Variants in AMOTL1 observed in about 807,000 individuals in gnomAD.
AMOTL1 encodes angiomotin like 1, also known as angiomotin-like protein 1.
AMOTL1 carries 45 observed loss-of-function variants against 102.9 expected under a neutral mutation model. That is an observed-to-expected ratio of 0.44 (90% CI 0.34 to 0.56). AMOTL1 has a LOEUF of 0.56. Among genes scored for constraint, AMOTL1 ranks in the 20% least tolerant of loss-of-function variants. The pLI, the probability that AMOTL1 is intolerant of heterozygous loss-of-function variation, is 0.01. For synonymous variants in AMOTL1, 481 were observed against 484.7 expected, an observed-to-expected ratio of 0.99 and a Z score of 0.10; for missense variants, 1,114 against 1,225.6, an observed-to-expected ratio of 0.91 and a Z score of 1.36.
At chr11:94,805,622 T>G (rs923464072) in intron 3 of AMOTL1, among the ~76,000 whole-genome samples, 2 of 152,232 alleles carry the variant, frequency 1.3e-5, no homozygotes, top group Admixed American at 1.3e-4. Context: ...ATTGCCTTTT[T>G]GGCCTTTATC....
chr11:94,834,581 G>C (rs995806643), intron 6 of AMOTL1, among the ~76,000 whole-genome samples: 6 of 152,040 alleles, frequency 3.9e-5, no homozygotes, highest in Admixed American at 2.6e-4. Context: ...GACAGAGCGA[G>C]ACTCCGTCTC....
chr11:94,773,319 CTG>C (rs1950980454), intron 1 of AMOTL1, among the ~76,000 whole-genome samples: 1 of 152,154 alleles, frequency 6.6e-6, no homozygotes, highest in Admixed American at 6.5e-5. Context: ...ACATTTTCTG[CTG>C]TGTTTTCTTC....
intron 1 of AMOTL1, among the ~76,000 whole-genome samples, chr11:94,723,906 G>A (rs1950214165): frequency 6.6e-6 from 1 of 152,134 alleles, no homozygotes; most frequent in Middle Eastern, 3.2e-3. Flanking sequence ...TTTGGAGCTA[G>A]AAGGAAAATA....
At chr11:94,789,847 A>G (rs1951253076) in intron 1 of AMOTL1, among the ~76,000 whole-genome samples, 2 of 152,184 alleles carry the variant, frequency 1.3e-5, no homozygotes, top group Admixed American at 6.5e-5. Flanking sequence ...TCTCTGTTAT[A>G]AAGTTATAGG....
chr11:94,742,308 C>T (rs909274105), intron 3 of AMOTL1, among the ~76,000 whole-genome samples: 2 of 152,230 alleles, frequency 1.3e-5, no homozygotes, highest in African/African-American at 2.4e-5. Flanking sequence ...ATCTGCTCCA[C>T]GCATGTATAA....
Position 94,800,328 on chromosome 11 carries a change from G to C in AMOTL1, c.1121+17G>C, listed in dbSNP as rs1447544858. On this transcript the variant is annotated intron_variant, in intron 3 of 12. Transcript: ENST00000433060. ...GGTAACGAGGTGATTATCAACTGCA[G>C]ACGTTTCGTGCGGCTTTTCAAAATT... The C allele has an allele frequency of 6.4e-7, 1 of 1,555,364 alleles. No individual in the cohort carries two copies. The highest frequency in any genetic ancestry group is 1.4e-5 in the African/African-American group (1 of 72,616).
At position 94,871,025 on chromosome 11, in the gene AMOTL1, G is replaced by C; in HGVS notation, c.*230G>C. On this transcript the variant is annotated 3_prime_UTR_variant, in exon 13 of 13. Transcript: ENST00000433060. Reference sequence around the variant, plus strand: ...ACACATGGTGGAAGAGAGAAGAGGCGTGTAGGTTTGCAAACAAAGTTAAGA... The same window carrying C: ...ACACATGGTGGAAGAGAGAAGAGGCCTGTAGGTTTGCAAACAAAGTTAAGA... 1 of 407,692 alleles carries C rather than the reference G, an allele frequency of 2.5e-6. No homozygotes were observed. The highest frequency in any genetic ancestry group is 2.0e-5 in the African/African-American group (1 of 50,234). The allele number at this position is 407,692 out of a possible 1,614,324, so 25.3% of individuals were successfully genotyped here.
intron 3 of AMOTL1, among the ~76,000 whole-genome samples, chr11:94,804,326 C>T (rs1362235402): frequency 6.6e-6 from 1 of 152,184 alleles, no homozygotes; most frequent in African/African-American, 2.4e-5. Flanking sequence ...AGATGCCTGT[C>T]GCTCAGGCTG....
chr11:94,727,598 G>C (rs371932756), intron 1 of AMOTL1, among the ~76,000 whole-genome samples: 11 of 152,184 alleles, frequency 7.2e-5, no homozygotes, highest in East Asian at 3.9e-4. Flanking sequence ...GGCCTGAAGA[G>C]GTCTTTGCAA....
At chr11:94,822,989 G>A (rs1223523548) in intron 4 of AMOTL1, among the ~76,000 whole-genome samples, 4 of 152,146 alleles carry the variant, frequency 2.6e-5, no homozygotes, top group African/African-American at 9.7e-5. Context: ...TAAAGCGTAG[G>A]AGTGTAAACC....
chr11:94,720,853 A>C (rs558620152), intron 1 of AMOTL1, among the ~76,000 whole-genome samples: 4 of 152,242 alleles, frequency 2.6e-5, no homozygotes, highest in Admixed American at 6.5e-5. Flanking sequence ...TAGGGATTGA[A>C]GGAGGAGGGT....
At position 94,821,551 on chromosome 11, in the gene AMOTL1, C is replaced by T. The variant is rs1226242047; in HGVS notation, c.1143C>T (p.Phe381=). 6.2e-7 allele frequency: 1 copy of T among 1,613,824 alleles called. No homozygotes were observed. Among genetic ancestry groups the T allele is most frequent in the Non-Finnish European group, 8.5e-7 (1 of 1,179,792 alleles). ...GVTSRPCQLP[F]PSTMQQHSPM... is the part of the protein sequence containing the mutation. ...GCAGCCGCCCATGCCAACTTCCGTT[C>T]CCATCAACCATGCAGCAGCACAGCC... The change falls in exon 4 of 13, where the codon TTC becomes TTT. Residue 381 remains phenylalanine, a synonymous_variant. Coordinates refer to ENST00000433060, the MANE Select transcript of AMOTL1 (RefSeq NM_130847.3).
At chr11:94,742,403 T>G (rs1295966210) in intron 3 of AMOTL1, among the ~76,000 whole-genome samples, 1 of 152,140 alleles carries the variant, frequency 6.6e-6, no homozygotes, top group African/African-American at 2.4e-5. Context: ...ACATAAGCAA[T>G]GGTAGGATGA....
intron 1 of AMOTL1, among the ~76,000 whole-genome samples, chr11:94,785,400 T>G (rs1021250334): frequency 2.6e-5 from 4 of 152,200 alleles, no homozygotes; most frequent in African/African-American, 9.6e-5. Context: ...TCAGTATCAC[T>G]ATCAACAAAA....
chr11:94,754,644 A>G (rs1425897029), intron 3 of AMOTL1, among the ~76,000 whole-genome samples: 1 of 152,172 alleles, frequency 6.6e-6, no homozygotes, highest in East Asian at 1.9e-4. Context: ...TTTTACTACT[A>G]TCAGCTTCTT....
chr11:94,839,286 T>A lies in AMOTL1; in HGVS notation c.1648+7745T>A, dbSNP rs537311855. Among the ~76,000 whole-genome samples the A allele has an allele frequency of 9.2e-5, 14 of 152,352 alleles. No homozygotes were observed. In the South Asian group the frequency reaches 1.7e-3, roughly 18 times the overall value. ...AACGGTAACAGCTGCCAACACTAAT[T>A]GAACACTAATTGAGCACTTACTGTG... On this transcript the variant is annotated intron_variant, in intron 6 of 12. Coordinates refer to ENST00000433060, the MANE Select transcript of AMOTL1 (RefSeq NM_130847.3).
At chr11:94,729,449 C>T (rs746024494) in intron 2 of AMOTL1, among the ~76,000 whole-genome samples, 2 of 152,144 alleles carry the variant, frequency 1.3e-5, no homozygotes, top group Non-Finnish European at 2.9e-5. Context: ...CTCTCAGCAG[C>T]CTGTAAACAT....
chr11:94,832,676 T>A (rs569859528), intron 6 of AMOTL1, among the ~76,000 whole-genome samples: 1 of 152,372 alleles, frequency 6.6e-6, no homozygotes, highest in African/African-American at 2.4e-5. Flanking sequence ...ATTTATCTTA[T>A]ATCTCTTCCT....
In AMOTL1 at chr11:94,831,480, A is replaced by T; in HGVS notation, c.1587A>T (p.Leu529=). The change falls in exon 6 of 13, where the codon CTA becomes CTT. Residue 529 remains leucine (L), a synonymous_variant. Transcript: ENST00000433060. The part of the protein sequence containing the change: ...RDRLETANRQ[L]SSREYEGHED... Reference sequence around the variant, plus strand: ...GACTAGAGACTGCTAACAGGCAACTATCCAGCAGGGAATACGAAGGGCATG... The same window carrying T: ...GACTAGAGACTGCTAACAGGCAACTTTCCAGCAGGGAATACGAAGGGCATG... 6.2e-7 allele frequency: 1 copy of T among 1,613,888 alleles called. No homozygotes were observed. Among genetic ancestry groups the T allele is most frequent in the East Asian group, 2.2e-5 (1 of 44,888 alleles).
Sources: gnomAD v4.1 joint callset for allele counts (sites outside exome capture counted in the v4.1 genomes callset) on GRCh38, gnomAD v4.1.1 for gene constraint, MANE v1.5 for transcripts, NCBI Gene and HGNC (gene_info 2026-07-23, HGNC 2026-07-21) for gene names.